Variants in GFRAL observed in about 807,000 individuals in gnomAD.
GFRAL encodes the protein GDNF family receptor alpha-like.
Under a neutral mutation model 45.4 loss-of-function variants are expected in GFRAL, and 36 were observed. The ratio of observed to expected loss-of-function variants is 0.79; its 90% CI spans 0.61 to 1.05. The LOEUF (loss-of-function observed/expected upper bound fraction) is 1.05, where lower values mean the gene tolerates loss of function less well. Among genes scored for constraint, GFRAL ranks in the 50% least tolerant of loss-of-function variants. The pLI is 0.00. For missense variants in GFRAL, 507 were observed against 467.5 expected (o/e 1.08, Z -0.78); for synonymous variants, 166 against 154.1 (o/e 1.08, Z -0.57).
At chr6:55,379,459 C>A (rs891716755) in intron 6 of GFRAL, among the ~76,000 whole-genome samples, 1 of 151,834 alleles carries the variant, frequency 6.6e-6, no homozygotes, top group Non-Finnish European at 1.5e-5. Context: ...GTGAATACTG[C>A]TACACATTTT....
chr6:55,380,259 A>G (rs1226476584), intron 6 of GFRAL, among the ~76,000 whole-genome samples: 2 of 152,028 alleles, frequency 1.3e-5, no homozygotes, highest in South Asian at 4.1e-4. Context: ...AGGGGTTTCT[A>G]TATTAAGGTT....
At chr6:55,365,003 G>A (rs911880886) in intron 6 of GFRAL, among the ~76,000 whole-genome samples, 2 of 149,358 alleles carry the variant, frequency 1.3e-5, no homozygotes, top group Non-Finnish European at 3.0e-5. Context: ...GATGGGGATG[G>A]CATTGAATCT....
intron 5 of GFRAL, among the ~76,000 whole-genome samples, chr6:55,356,568 C>G (rs1768197694): frequency 6.6e-6 from 1 of 151,810 alleles, no homozygotes; most frequent in Admixed American, 6.6e-5. Context: ...CCTTTTTAAT[C>G]TCTGATTTCA....
chr6:55,397,998 A>C (rs1768849283), intron 6 of GFRAL, among the ~76,000 whole-genome samples: 1 of 152,228 alleles, frequency 6.6e-6, no homozygotes, highest in Non-Finnish European at 1.5e-5. Flanking sequence ...GCATGTTTGT[A>C]ACCTAAAAAC....
chr6:55,358,358 T>C (rs984706927), intron 5 of GFRAL, among the ~76,000 whole-genome samples: 2 of 152,014 alleles, frequency 1.3e-5, no homozygotes, highest in African/African-American at 4.8e-5. Context: ...TCAATTTTAT[T>C]ACAGCAATAA....
At position 55,327,551 on chromosome 6, in the gene GFRAL, C is replaced by A; in HGVS notation, c.-4C>A. 1 of 1,612,784 alleles carries A rather than the reference C, an allele frequency of 6.2e-7. No homozygotes were observed. Among genetic ancestry groups the A allele is most frequent in the African/African-American group, 1.3e-5 (1 of 74,968 alleles). Reference sequence around the variant, plus strand: ...TCCAGGTGAACTGCCGTGAGTTGTCCAGCATGATAGTGTTTATTTTCTTGG... The same window carrying A: ...TCCAGGTGAACTGCCGTGAGTTGTCAAGCATGATAGTGTTTATTTTCTTGG... On this transcript the variant is annotated 5_prime_UTR_variant, in exon 1 of 9. Transcript: ENST00000340465.
intron 6 of GFRAL, among the ~76,000 whole-genome samples, chr6:55,373,309 A>C (rs534725896): frequency 6.6e-6 from 1 of 152,208 alleles, no homozygotes; most frequent in Admixed American, 6.5e-5. Flanking sequence ...TATCTGAAAT[A>C]GGTTTGGCGG....
chr6:55,338,680 G>A (rs1767921959), intron 3 of GFRAL, among the ~76,000 whole-genome samples: 2 of 152,062 alleles, frequency 1.3e-5, no homozygotes, highest in African/African-American at 4.8e-5. Context: ...AGGGTAAGTT[G>A]GTTTCATTAG....
intron 3 of GFRAL, among the ~76,000 whole-genome samples, chr6:55,340,058 T>G (rs965081372): frequency 1.3e-5 from 2 of 152,222 alleles, no homozygotes; most frequent in Non-Finnish European, 1.5e-5. Flanking sequence ...CCCGATGGAC[T>G]TCGTAAAGGA....
At chr6:55,371,813 C>T (rs1768454369) in intron 6 of GFRAL, among the ~76,000 whole-genome samples, 1 of 152,154 alleles carries the variant, frequency 6.6e-6, no homozygotes, top group African/African-American at 2.4e-5. Context: ...CATTTAAACA[C>T]ATTCAAGAAT....
chr6:55,396,837 T>C (rs1206852995), intron 6 of GFRAL, among the ~76,000 whole-genome samples: 1 of 151,946 alleles, frequency 6.6e-6, no homozygotes, highest in Non-Finnish European at 1.5e-5. Flanking sequence ...TACTTTTACA[T>C]TCTTAAGTGG....
chr6:55,358,156 T>C (rs1272699355), intron 5 of GFRAL, among the ~76,000 whole-genome samples: 3 of 151,948 alleles, frequency 2.0e-5, no homozygotes, highest in Non-Finnish European at 4.4e-5. Flanking sequence ...ACAAATAACT[T>C]CATGAAAATG....
intron 6 of GFRAL, among the ~76,000 whole-genome samples, chr6:55,367,298 A>G (rs1768378286): frequency 7.2e-6 from 1 of 139,060 alleles, no homozygotes; most frequent in Non-Finnish European, 1.5e-5. Flanking sequence ...TGCTTGGTAG[A>G]TCTTCCTCCA....
At chr6:55,400,694 A>C (rs963062539) in intron 8 of GFRAL, among the ~76,000 whole-genome samples, 3 of 152,152 alleles carry the variant, frequency 2.0e-5, no homozygotes, top group Non-Finnish European at 4.4e-5. Flanking sequence ...ATGAGAAGAC[A>C]TTCCGTGGGT....
At chr6:55,358,632 G>A (rs1768228118) in intron 5 of GFRAL, among the ~76,000 whole-genome samples, 1 of 151,848 alleles carries the variant, frequency 6.6e-6, no homozygotes, top group Non-Finnish European at 1.5e-5. Flanking sequence ...TAGTAATAAA[G>A]GAAAATCCAT....
At chr6:55,398,635 G>C (rs1252968266) in intron 6 of GFRAL, among the ~76,000 whole-genome samples, 1 of 152,150 alleles carries the variant, frequency 6.6e-6, no homozygotes, top group African/African-American at 2.4e-5. Flanking sequence ...TTGGAAACTG[G>C]TGGGAATGTA....
At chr6:55,393,036 C>A (rs927478374) in intron 6 of GFRAL, among the ~76,000 whole-genome samples, 4 of 152,106 alleles carry the variant, frequency 2.6e-5, no homozygotes, top group African/African-American at 9.7e-5. Flanking sequence ...TAAATTAGTA[C>A]TTACATTTAT....
intron 6 of GFRAL, among the ~76,000 whole-genome samples, chr6:55,372,480 C>G (rs1415755881): frequency 6.6e-6 from 1 of 152,152 alleles, no homozygotes; most frequent in Admixed American, 6.5e-5. Flanking sequence ...TTCTTGGGAG[C>G]ATTAAGTCCA....
intron 6 of GFRAL, among the ~76,000 whole-genome samples, chr6:55,396,186 T>C (rs1768822558): frequency 6.6e-6 from 1 of 152,168 alleles, no homozygotes; most frequent in South Asian, 2.1e-4. Context: ...GGGTGCAATA[T>C]TTAAGATTGT....
Sources: gnomAD v4.1 joint callset for allele counts (sites outside exome capture counted in the v4.1 genomes callset) on GRCh38, gnomAD v4.1.1 for gene constraint, MANE v1.5 for transcripts, NCBI Gene and HGNC (gene_info 2026-07-23, HGNC 2026-07-21) for gene names.